Variants in RUFY1 observed in about 807,000 individuals in gnomAD.
RUFY1 encodes the protein RUN and FYVE domain containing 1, also known as RUN and FYVE domain-containing protein 1.
RUFY1 carries 54 observed loss-of-function variants against 94.6 expected under a neutral mutation model. That is an observed-to-expected ratio of 0.57 (90% confidence interval 0.46 to 0.72). The LOEUF is 0.72. Ranked by LOEUF, RUFY1 falls within the 30% of genes least tolerant of loss-of-function variation. The pLI is 0.00. For missense variants in RUFY1, 883 were observed against 883.9 expected (o/e 1.00, Z 0.01); for synonymous variants, 396 against 347.3 (o/e 1.14, Z -1.56).
At chr5:179,606,002 AAC>A in intron 16 of RUFY1, 78 bp downstream of exon 16, 1 of 964,944 alleles carries the variant, frequency 1.0e-6, no homozygotes. Context: ...TAAGTATCCC[AAC>A]AGTCAGGTGA....
At chr5:179,607,699 C>T (rs747132860) in intron 17 of RUFY1, 40 bp downstream of exon 17, 5 of 1,542,534 alleles carry the variant, frequency 3.2e-6, no homozygotes, top group South Asian at 2.2e-5. Flanking sequence ...TGCCCTGAGT[C>T]GTTGCCCGCT....
At chr5:179,603,791 C>T (rs1436101077) in intron 15 of RUFY1, 4 of 152,336 alleles carry the variant, frequency 2.6e-5, no homozygotes, top group Admixed American at 6.5e-5. Context: ...GGTGTGGTGG[C>T]TCATGCCTGT....
chr5:179,578,536 A>G (rs540327754), intron 6 of RUFY1, among the ~76,000 whole-genome samples: 2 of 151,920 alleles, frequency 1.3e-5, no homozygotes, highest in African/African-American at 4.8e-5. Context: ...TTTTTATGCC[A>G]TTATGAAGCT....
In RUFY1 at chr5:179,597,716, T is replaced by C. The variant is rs924631683; in HGVS notation, c.1632-976T>C. Reference sequence around the variant, plus strand: ...TATATATGCCAAGTTAAAAGCCTGATGTTGAGAGAAGAGAGAAGAGACATC... The same window carrying C: ...TATATATGCCAAGTTAAAAGCCTGACGTTGAGAGAAGAGAGAAGAGACATC... On this transcript the variant is annotated intron_variant, in intron 13 of 17. Coordinates refer to ENST00000319449, the MANE Select transcript of RUFY1 (RefSeq NM_025158.5). 2.7e-5 allele frequency among the ~76,000 whole-genome samples: 4 copies of C among 150,432 alleles called. No individual in the cohort carries two copies. The East Asian group carries it at 7.8e-4, about 29-fold the overall frequency.
chr5:179,590,707 C>G (rs1188700706), intron 9 of RUFY1, among the ~76,000 whole-genome samples: 2 of 151,632 alleles, frequency 1.3e-5, no homozygotes, highest in African/African-American at 4.8e-5. Context: ...CAGATGGTCT[C>G]GATCTCCTGA....
chr5:179,565,164 C>CT (rs138223106), intron 3 of RUFY1, among the ~76,000 whole-genome samples: 4,083 of 71,990 alleles, frequency 0.057, 609 homozygotes, highest in African/African-American at 0.12. Flanking sequence ...TCTAGGTTTT[C>CT]TTTTTTTTTT....
intron 5 of RUFY1, among the ~76,000 whole-genome samples, chr5:179,573,519 G>C (rs964358671): frequency 6.6e-6 from 1 of 151,888 alleles, no homozygotes; most frequent in Non-Finnish European, 1.5e-5. Context: ...TGTTGTTGTC[G>C]TTTTGTTTTT....
At chr5:179,591,395 A>T (rs569196622) in intron 9 of RUFY1, among the ~76,000 whole-genome samples, 1 of 150,034 alleles carries the variant, frequency 6.7e-6, no homozygotes, top group Non-Finnish European at 1.5e-5. Context: ...CATGTTAGCC[A>T]GGATGGTCTC....
Position 179,559,696 on chromosome 5 carries a change from A to G in RUFY1, c.311-329A>G, listed in dbSNP as rs971445235. 8.6e-6 allele frequency: 9 copies of G among 1,047,736 alleles called. No homozygotes were observed. In the African/African-American group the frequency reaches 1.0e-4, roughly 12 times the overall value. The allele number at this position is 1,047,736 out of a possible 1,614,324, so 64.9% of individuals were successfully genotyped here. ...GGTAGCGCCCTTCCATTGGTCAAAA[A>G]TGGAACCGGGGTTGCGGGAGAAGCC... On this transcript the variant is annotated intron_variant, in intron 1 of 17. Transcript: ENST00000319449.
rs147187303 is a variant in RUFY1, at chr5:179,569,353, T to G, written c.756T>G (p.Ile252Met). The stretch of plus-strand genomic sequence containing the variant: ...TGATGGAGGAAGAAGGGATGGTGAT[T>G]GTTGGTCTGCTGGTGGGACTCAATG... ...ALMMEEEGMV[I>M]VGLLVGLNVL... Residue 252 changes from isoleucine to methionine, a missense_variant, in exon 5 of 18, where the codon ATT becomes ATG. Transcript: ENST00000319449. The G allele has an allele frequency of 6.2e-7, 1 of 1,613,768 alleles. No individual in the cohort carries two copies. Among genetic ancestry groups the G allele is most frequent in the East Asian group, 2.2e-5 (1 of 44,812 alleles).
At chr5:179,604,197 T>A (rs6892309) in intron 15 of RUFY1, among the ~76,000 whole-genome samples, 117,960 of 152,206 alleles carry the variant, frequency 0.78, 45,864 homozygotes, top group East Asian at 0.9. Context: ...CATCAGGTGT[T>A]TGCAAACCCA....
At chr5:179,607,103 G>GC in intron 16 of RUFY1, 1 of 174,026 alleles carries the variant, frequency 5.7e-6, no homozygotes, top group Non-Finnish European at 1.2e-5. Context: ...GGGACGCAGT[G>GC]CCCGCTGTCC....
chr5:179,562,685 C>A, intron 3 of RUFY1, 21 bp downstream of exon 3: 1 of 1,239,556 alleles, frequency 8.1e-7, no homozygotes, highest in Non-Finnish European at 1.2e-6. Context: ...AGTAGTTCTG[C>A]CAATTTGATG....
chr5:179,597,814 G>A (rs1765831201), intron 13 of RUFY1, among the ~76,000 whole-genome samples: 1 of 152,214 alleles, frequency 6.6e-6, no homozygotes. Context: ...CTGGTAAAGG[G>A]CAGAGTCAGC....
chr5:179,609,295 G>A lies in RUFY1; in HGVS notation c.1984-81G>A, dbSNP rs1472233828. ...AGAACCCATTCCCAGCAAATGATGCGCTTCTGGGTCAGGAAGCAGGGAGGG... is the reference window on the plus strand; with the variant it reads ...AGAACCCATTCCCAGCAAATGATGCACTTCTGGGTCAGGAAGCAGGGAGGG... On this transcript the variant is annotated intron_variant, in intron 17 of 17. Coordinates refer to ENST00000319449, the MANE Select transcript of RUFY1 (RefSeq NM_025158.5). The A allele has an allele frequency of 1.6e-5, 24 of 1,457,670 alleles. 2 individuals carry two copies. Among genetic ancestry groups the A allele is most frequent in the Admixed American group, 9.2e-5 (5 of 54,640 alleles). 90.3% of individuals were successfully genotyped at this position (1,457,670 alleles called of 1,614,324 possible). A position where few individuals can be genotyped will look rare whatever the true frequency, so the allele number is the denominator to read the frequency against.
intron 5 of RUFY1, among the ~76,000 whole-genome samples, chr5:179,570,560 G>A (rs1374377853): frequency 6.6e-6 from 1 of 152,202 alleles, no homozygotes; most frequent in African/African-American, 2.4e-5. Context: ...GGCAGGGACT[G>A]TAAATGTGTG....
Position 179,560,076 on chromosome 5 carries a change from A to T in RUFY1, c.362A>T (p.Lys121Ile). The change falls in exon 2 of 18, where the codon AAA becomes ATA. Residue 121 changes from lysine (K) to isoleucine (I), a missense_variant. Physicochemically the swap from Lys to Ile is moderately radical, Grantham distance 102. Coordinates refer to ENST00000319449, the MANE Select transcript of RUFY1 (RefSeq NM_025158.5). ...EERANLMHMM[K>I]LSIKVLLQSA... The stretch of plus-strand genomic sequence containing the variant: ...CGTGCCAACCTGATGCACATGATGA[A>T]ACTCAGCATCAAGGTGTTGCTCCAG... 1 of 1,613,982 alleles carries T rather than the reference A, an allele frequency of 6.2e-7. No individual in the cohort carries two copies. Among genetic ancestry groups the T allele is most frequent in the Non-Finnish European group, 8.5e-7 (1 of 1,179,992 alleles).
At chr5:179,551,097 AC>A (rs74602363) in intron 1 of RUFY1, among the ~76,000 whole-genome samples, 66,140 of 151,944 alleles carry the variant, frequency 0.44, 14,895 homozygotes, top group Non-Finnish European at 0.51. Context: ...GCGCTCCCGC[AC>A]CCGCGCCTCT....
At position 179,590,124 on chromosome 5, in the gene RUFY1, C is replaced by T. The variant is rs542780032; in HGVS notation, c.1128+477C>T. On this transcript the variant is annotated intron_variant, in intron 9 of 17. Transcript: ENST00000319449. ...ATCCCAGCACTTTGGGAGGCCGAGG[C>T]GGGCGGATCACGAGGCCAGGAGATC... 5.3e-5 allele frequency among the ~76,000 whole-genome samples: 8 copies of T among 152,110 alleles called. No individual in the cohort carries two copies. The South Asian group carries it at 6.2e-4, about 12-fold the overall frequency.
Sources: allele counts gnomAD v4.1 joint callset (sites outside exome capture counted in the v4.1 genomes callset), GRCh38; gene constraint gnomAD v4.1.1; transcripts MANE v1.5; gene names NCBI Gene and HGNC (gene_info 2026-07-23, HGNC 2026-07-21).